DPYS: variants seen among roughly 807,000 people sequenced by gnomAD.
DPYS encodes the protein dihydropyrimidine amidohydrolase.
Under a neutral mutation model 50.3 loss-of-function variants are expected in DPYS, and 39 were observed. The observed-to-expected ratio is 0.78, with a 90% CI of 0.60 to 1.01. The LOEUF is 1.01. Among genes scored for constraint, DPYS ranks in the 50% least tolerant of loss-of-function variants. DPYS has a pLI of 0.00. For synonymous variants in DPYS, 245 were observed against 250.7 expected (o/e 0.98, Z 0.22); for missense variants, 659 against 680.9 (o/e 0.97, Z 0.36).
chr8:104,393,284 T>A (rs1336171217), intron 7 of DPYS, among the ~76,000 whole-genome samples: 1 of 152,226 alleles, frequency 6.6e-6, no homozygotes, highest in African/African-American at 2.4e-5. Context: ...AAATTATTTT[T>A]ATTTATATGT....
At chr8:104,429,484 C>G in intron 5 of DPYS, 61 bp downstream of exon 5, 1 of 1,609,748 alleles carries the variant, frequency 6.2e-7, no homozygotes, top group South Asian at 1.1e-5. Context: ...GGAGGACGAG[C>G]TCCCTTCTAC....
intron 7 of DPYS, among the ~76,000 whole-genome samples, chr8:104,401,290 ATT>A (rs1811799150): frequency 1.8e-5 from 1 of 54,962 alleles, no homozygotes; most frequent in Non-Finnish European, 4.0e-5. Context: ...TGAGGTAGGT[ATT>A]ATTATTATTA....
At chr8:104,446,813 T>C (rs1294711887) in intron 3 of DPYS, among the ~76,000 whole-genome samples, 3 of 152,172 alleles carry the variant, frequency 2.0e-5, no homozygotes, top group Admixed American at 2.0e-4. Flanking sequence ...GCATTAATAA[T>C]GGGACTAACA....
At chr8:104,428,230 A>G (rs758736559) in intron 5 of DPYS, 109 bp from the exon 6 acceptor site, 2 of 1,467,184 alleles carry the variant, frequency 1.4e-6, no homozygotes, top group Non-Finnish European at 1.9e-6. Context: ...TTGAAGTCAG[A>G]AAAATCCAAT....
At chr8:104,418,883 G>T in intron 7 of DPYS, 1 of 342,110 alleles carries the variant, frequency 2.9e-6, no homozygotes, top group Non-Finnish European at 4.1e-6. Context: ...TAGACTGTCA[G>T]CTTCTTAAAG....
At chr8:104,430,640 G>A (rs113563834) in intron 4 of DPYS, among the ~76,000 whole-genome samples, 12 of 152,238 alleles carry the variant, frequency 7.9e-5, no homozygotes, top group Non-Finnish European at 1.6e-4. Context: ...GTAGATGGCC[G>A]CCAGTTGCCT....
intron 7 of DPYS, among the ~76,000 whole-genome samples, chr8:104,412,556 ACTGGAAGGGGT>A (rs1189830553): frequency 6.6e-6 from 1 of 152,044 alleles, no homozygotes; most frequent in African/African-American, 2.4e-5. Flanking sequence ...GCCTCAGGGG[ACTGGAAGGGGT>A]CTGGAGCTTT....
chr8:104,421,939 A>G (rs1363265639), intron 7 of DPYS, among the ~76,000 whole-genome samples: 2 of 152,218 alleles, frequency 1.3e-5, no homozygotes. Context: ...ACTCAAAGAG[A>G]CATAATCACA....
At chr8:104,443,976 A>G (rs1813440740) in intron 4 of DPYS, among the ~76,000 whole-genome samples, 1 of 152,192 alleles carries the variant, frequency 6.6e-6, no homozygotes, top group Non-Finnish European at 1.5e-5. Flanking sequence ...GTGTGGGGGC[A>G]TGTGGCTAAA....
chr8:104,444,620 T>C (rs958194317), intron 3 of DPYS, among the ~76,000 whole-genome samples, 183 bp from the exon 4 acceptor site: 1 of 152,194 alleles, frequency 6.6e-6, no homozygotes, highest in Non-Finnish European at 1.5e-5. Context: ...CACATATATA[T>C]ATAACATGTA....
intron 5 of DPYS, among the ~76,000 whole-genome samples, chr8:104,428,608 C>A (rs141483664): frequency 6.6e-6 from 1 of 152,348 alleles, no homozygotes; most frequent in African/African-American, 2.4e-5. Flanking sequence ...CTGGGATGAA[C>A]AGAGGGTGAG....
rs754729409 is a variant in DPYS, at chr8:104,444,304, A to G, written c.737T>C (p.Ile246Thr). The G allele has an allele frequency of 2.5e-6, 4 of 1,614,226 alleles. No homozygotes were observed. The highest frequency in any genetic ancestry group is 2.5e-6 in the Non-Finnish European group (3 of 1,180,038). Residue 246 changes from isoleucine to threonine, a missense_variant, in exon 4 of 10, where the codon ATT becomes ACT. Physicochemically the swap from Ile to Thr is moderately conservative, Grantham distance 89 (BLOSUM62 -1). Transcript: ENST00000351513. ...TGCAGACTTGCTCATCACATGCACAATGTAGAGAGGACAGTTCACAGCGCT... is the reference window on the plus strand; with the variant it reads ...TGCAGACTTGCTCATCACATGCACAGTGTAGAGAGGACAGTTCACAGCGCT... ...IASAVNCPLY[I>T]VHVMSKSAAK... is the part of the protein sequence containing the mutation.
In DPYS at chr8:104,389,138, CTG is replaced by C. The variant is rs905641420; in HGVS notation, c.1443+3644_1443+3645del. 4.2e-4 allele frequency among the ~76,000 whole-genome samples: 64 copies of C among 152,346 alleles called. No homozygotes were observed. In the Middle Eastern group the frequency reaches 0.01, roughly 24 times the overall value. ...GGGACTGACAAATGCTGATGTGACT[CTG>C]TACTCTGTGCTTTGGGAGTCCAGAA... is the stretch of plus-strand genomic sequence containing the variant. On this transcript the variant is annotated intron_variant, in intron 8 of 9. Coordinates refer to ENST00000351513, the MANE Select transcript of DPYS (RefSeq NM_001385.3).
intron 7 of DPYS, among the ~76,000 whole-genome samples, chr8:104,394,804 G>C (rs1811522971): frequency 6.8e-6 from 1 of 147,818 alleles, no homozygotes; most frequent in Admixed American, 6.8e-5. Flanking sequence ...AGCTGCCATG[G>C]AAAAGAGAAA....
At chr8:104,435,723 T>C (rs1418107248) in intron 4 of DPYS, among the ~76,000 whole-genome samples, 2 of 152,078 alleles carry the variant, frequency 1.3e-5, no homozygotes, top group Non-Finnish European at 2.9e-5. Context: ...CAAAAAGAAA[T>C]CTCAGGCTTT....
chr8:104,428,800 G>C (rs1214325763), intron 5 of DPYS, among the ~76,000 whole-genome samples: 11 of 151,642 alleles, frequency 7.3e-5, no homozygotes, highest in Non-Finnish European at 1.5e-5. Context: ...GGGAGTGTCG[G>C]GATGTCCATG....
At chr8:104,425,837 T>A (rs575034527) in intron 6 of DPYS, among the ~76,000 whole-genome samples, 5 of 152,252 alleles carry the variant, frequency 3.3e-5, no homozygotes, top group Admixed American at 2.6e-4. Flanking sequence ...TATTTAATTA[T>A]CAAACAATGC....
chr8:104,382,355 C>A (rs1588391644), intron 8 of DPYS, among the ~76,000 whole-genome samples: 1 of 152,224 alleles, frequency 6.6e-6, no homozygotes. Context: ...CTTTGCTGGA[C>A]TTCCATTTTG....
chr8:104,452,749 A>G (rs530084671), intron 1 of DPYS, among the ~76,000 whole-genome samples: 1 of 152,202 alleles, frequency 6.6e-6, no homozygotes, highest in East Asian at 1.9e-4. Flanking sequence ...ACTGAGATGG[A>G]AGGACCACTT....
Sources: gnomAD v4.1 joint callset for allele counts (sites outside exome capture counted in the v4.1 genomes callset) on GRCh38, gnomAD v4.1.1 for gene constraint, MANE v1.5 for transcripts, NCBI Gene and HGNC (gene_info 2026-07-23, HGNC 2026-07-21) for gene names.